The following EPHA6 variants were observed in gnomAD, a reference collection of about 807,000 sequenced individuals.
The protein encoded by EPHA6 is ephrin type-A receptor 6.
EPHA6 carries 50 observed loss-of-function variants against 112.0 expected under a neutral mutation model. The observed-to-expected ratio is 0.45, with a 90% CI of 0.36 to 0.56. EPHA6 has a LOEUF of 0.56. Among genes scored for constraint, EPHA6 ranks in the 20% least tolerant of loss-of-function variants. The pLI is 0.00. For synonymous variants in EPHA6, 529 were observed against 490.7 expected (o/e 1.08, Z -1.03); for missense variants, 1,280 against 1,417.4 (o/e 0.90, Z 1.56).
At chr3:97,132,798 A>G (rs1266472879) in intron 3 of EPHA6, among the ~76,000 whole-genome samples, 1 of 152,074 alleles carries the variant, frequency 6.6e-6, no homozygotes, top group Non-Finnish European at 1.5e-5. Flanking sequence ...GTCCTGTAGT[A>G]AAGTAGAATG....
intron 5 of EPHA6, among the ~76,000 whole-genome samples, chr3:97,294,564 G>T (rs1431132032): frequency 1.3e-5 from 2 of 151,934 alleles, no homozygotes; most frequent in Non-Finnish European, 2.9e-5. Flanking sequence ...TTTGTTAATT[G>T]CCTTTCATAT....
At chr3:97,094,111 G>A (rs774291564) in intron 3 of EPHA6, among the ~76,000 whole-genome samples, 23 of 152,206 alleles carry the variant, frequency 1.5e-4, no homozygotes, top group Middle Eastern at 3.4e-3. Flanking sequence ...GCTATGTAGC[G>A]TCAAAGTCAT....
At chr3:97,430,625 A>T (rs2089448514) in intron 6 of EPHA6, among the ~76,000 whole-genome samples, 1 of 152,164 alleles carries the variant, frequency 6.6e-6, no homozygotes, top group Non-Finnish European at 1.5e-5. Context: ...TTTGATTTTC[A>T]TTCACAATAG....
At chr3:96,844,729 C>T (rs946428330) in intron 1 of EPHA6, among the ~76,000 whole-genome samples, 1 of 151,866 alleles carries the variant, frequency 6.6e-6, no homozygotes, top group South Asian at 2.1e-4. Flanking sequence ...TCCAACTGAA[C>T]TTGACTTTTG....
Position 97,095,539 on chromosome 3 carries a change from A to G in EPHA6, c.1114+107546A>G, listed in dbSNP as rs139673116. On this transcript the variant is annotated intron_variant, in intron 3 of 17. Coordinates refer to ENST00000389672, the MANE Select transcript of EPHA6 (RefSeq NM_001080448.3). ...TATGTGGCACAGGCTGATAATGCTT[A>G]CCATTATTCAAACACTCATCAGACT... Among the ~76,000 whole-genome samples the G allele has an allele frequency of 7.1e-4, 108 of 152,104 alleles. No homozygotes were observed. The East Asian group carries it at 0.019, about 27-fold the overall frequency.
chr3:97,581,699 AG>A (rs1218444734), intron 11 of EPHA6, among the ~76,000 whole-genome samples: 1 of 152,234 alleles, frequency 6.6e-6, no homozygotes, highest in African/African-American at 2.4e-5. Context: ...GACTTGCATA[AG>A]GTCATGCAGC....
At chr3:97,104,504 C>T (rs2047506204) in intron 3 of EPHA6, among the ~76,000 whole-genome samples, 1 of 151,982 alleles carries the variant, frequency 6.6e-6, no homozygotes, top group South Asian at 2.1e-4. Flanking sequence ...CCTACTTGAT[C>T]GTGGTGGATA....
intron 16 of EPHA6, among the ~76,000 whole-genome samples, chr3:97,740,553 T>C (rs2035458042): frequency 6.6e-6 from 1 of 152,162 alleles, no homozygotes; most frequent in Admixed American, 6.6e-5. Flanking sequence ...TACCAGCTTC[T>C]GTAGTACATA....
At chr3:97,005,789 C>T (rs1183206329) in intron 3 of EPHA6, among the ~76,000 whole-genome samples, 4 of 152,180 alleles carry the variant, frequency 2.6e-5, no homozygotes, top group South Asian at 2.1e-4. Flanking sequence ...GAGATGTGTG[C>T]CATCAATACC....
chr3:97,324,155 G>A (rs1344728746), intron 5 of EPHA6, among the ~76,000 whole-genome samples: 1 of 151,892 alleles, frequency 6.6e-6, no homozygotes, highest in Non-Finnish European at 1.5e-5. Context: ...TTCCTTTTAT[G>A]CTTATGTAGA....
chr3:97,307,749 A>AT lies in EPHA6; in HGVS notation c.1606+63462_1606+63463insT, dbSNP rs556713758. 7.4e-3 allele frequency among the ~76,000 whole-genome samples: 1,126 copies of AT among 151,244 alleles called. 22 individuals carry two copies. Among genetic ancestry groups the AT allele is most frequent in the African/African-American group, 0.025 (1,043 of 41,216 alleles). On this transcript the variant is annotated intron_variant, in intron 5 of 17. Coordinates refer to ENST00000389672, the MANE Select transcript of EPHA6 (RefSeq NM_001080448.3). ...AGTCTGTGTGTTTCAGACAAAAAAA[A>AT]ATATATATATACACCACATGGGTAG...
At chr3:97,713,538 A>G (rs2034074788) in intron 14 of EPHA6, among the ~76,000 whole-genome samples, 1 of 152,246 alleles carries the variant, frequency 6.6e-6, no homozygotes, top group Admixed American at 6.5e-5. Flanking sequence ...TTTTAAAAAT[A>G]CTGTGCCAAA....
chr3:97,542,597 T>C (rs2092877419), intron 11 of EPHA6, among the ~76,000 whole-genome samples: 1 of 152,246 alleles, frequency 6.6e-6, no homozygotes, highest in South Asian at 2.1e-4. Context: ...TATAATCCTT[T>C]GGGTATATAC....
chr3:96,983,814 C>A (rs1489702318), intron 2 of EPHA6, among the ~76,000 whole-genome samples: 1 of 152,200 alleles, frequency 6.6e-6, no homozygotes, highest in Admixed American at 6.5e-5. Flanking sequence ...GATCTTCAAT[C>A]ACTGATACCC....
intron 12 of EPHA6, among the ~76,000 whole-genome samples, chr3:97,602,624 C>T (rs1560180645): frequency 6.6e-6 from 1 of 152,022 alleles, no homozygotes; most frequent in African/African-American, 2.4e-5. Context: ...GTAACCTTAC[C>T]TGTTAAATTG....
At chr3:97,424,863 G>A (rs1577352408) in intron 6 of EPHA6, among the ~76,000 whole-genome samples, 1 of 149,572 alleles carries the variant, frequency 6.7e-6, no homozygotes, top group East Asian at 2.0e-4. Flanking sequence ...GGGAGTACAA[G>A]TGTTGGGTAA....
intron 1 of EPHA6, among the ~76,000 whole-genome samples, chr3:96,857,092 T>C (rs1011264786): frequency 2.0e-5 from 3 of 152,152 alleles, no homozygotes; most frequent in Non-Finnish European, 4.4e-5. Context: ...AATCAATAAG[T>C]TAAGAAAACT....
intron 2 of EPHA6, among the ~76,000 whole-genome samples, chr3:96,867,513 A>C (rs1323433819): frequency 2.6e-5 from 4 of 151,776 alleles, no homozygotes; most frequent in African/African-American, 4.8e-5. Context: ...TTCATATTAC[A>C]ATATATGTCT....
At chr3:97,020,512 A>G (rs1363987564) in intron 3 of EPHA6, among the ~76,000 whole-genome samples, 1 of 152,230 alleles carries the variant, frequency 6.6e-6, no homozygotes, top group African/African-American at 2.4e-5. Flanking sequence ...AAGAAAATGC[A>G]GGATGGAGAG....
Sources: allele counts gnomAD v4.1 joint callset (sites outside exome capture counted in the v4.1 genomes callset), GRCh38; gene constraint gnomAD v4.1.1; transcripts MANE v1.5; gene names NCBI Gene and HGNC (gene_info 2026-07-23, HGNC 2026-07-21).